Variants in HFM1 observed in about 807,000 individuals in gnomAD.
HFM1 encodes probable ATP-dependent DNA helicase HFM1.
In HFM1, 169 loss-of-function variants were observed where a neutral mutation model predicts 192.1. That is an observed-to-expected ratio of 0.88 (90% CI 0.78 to 1.00). HFM1 has a LOEUF of 1.00. Ranked by LOEUF, HFM1 falls within the 50% of genes least tolerant of loss-of-function variation. The probability of loss-of-function intolerance (pLI) is 0.00; values close to 1 mark genes in which losing one functional copy is unlikely to be tolerated. For missense variants in HFM1, 1,661 were observed against 1,668.0 expected (o/e 1.00, Z 0.07); for synonymous variants, 525 against 537.8 (o/e 0.98, Z 0.33).
At chr1:91,285,003 T>C (rs921098397) in intron 30 of HFM1, among the ~76,000 whole-genome samples, 1 of 152,164 alleles carries the variant, frequency 6.6e-6, no homozygotes, top group Non-Finnish European at 1.5e-5. Flanking sequence ...CATACTGTTC[T>C]TGTGGTAGTG....
intron 30 of HFM1, among the ~76,000 whole-genome samples, chr1:91,285,685 C>T (rs896773450): frequency 3.1e-4 from 47 of 152,026 alleles, no homozygotes; most frequent in African/African-American, 1.1e-3. Flanking sequence ...ATACAGTAGC[C>T]CCCTTCATCC....
chr1:91,384,616 T>C (rs1295807282), intron 6 of HFM1, among the ~76,000 whole-genome samples: 1 of 152,172 alleles, frequency 6.6e-6, no homozygotes, highest in Non-Finnish European at 1.5e-5. Flanking sequence ...TGTAAGTAAA[T>C]ATGCTCAGAG....
intron 13 of HFM1, among the ~76,000 whole-genome samples, chr1:91,366,319 T>C (rs899070331): frequency 6.6e-6 from 1 of 152,178 alleles, no homozygotes; most frequent in Non-Finnish European, 1.5e-5. Flanking sequence ...CATGCTGCCA[T>C]TGCACAAAGA....
chr1:91,352,204 C>T (rs1169135868), intron 16 of HFM1, among the ~76,000 whole-genome samples: 1 of 149,828 alleles, frequency 6.7e-6, no homozygotes, highest in Non-Finnish European at 1.5e-5. Flanking sequence ...ATCCAAAATG[C>T]TAAGAGTACC....
chr1:91,286,101 A>C (rs1667944936), intron 30 of HFM1, among the ~76,000 whole-genome samples: 1 of 152,216 alleles, frequency 6.6e-6, no homozygotes, highest in Admixed American at 6.5e-5. Context: ...TTAATAAGGA[A>C]ATTATATATA....
chr1:91,277,915 C>T (rs370438248), intron 30 of HFM1, among the ~76,000 whole-genome samples: 1 of 32,288 alleles, frequency 3.1e-5, no homozygotes, highest in Non-Finnish European at 6.3e-5. Flanking sequence ...ATAATATATA[C>T]ACTAATATAT....
intron 33 of HFM1, among the ~76,000 whole-genome samples, chr1:91,274,141 A>C (rs1293846838): frequency 6.6e-6 from 1 of 152,002 alleles, no homozygotes; most frequent in African/African-American, 2.4e-5. Flanking sequence ...TCTAGCAGGG[A>C]AATTACATAT....
chr1:91,300,566 C>T (rs951936368), intron 30 of HFM1, among the ~76,000 whole-genome samples: 1 of 152,188 alleles, frequency 6.6e-6, no homozygotes, highest in African/African-American at 2.4e-5. Context: ...TCTAGCAGCA[C>T]ATCAAAAAGC....
chr1:91,284,606 T>C (rs1667769957), intron 30 of HFM1, among the ~76,000 whole-genome samples: 1 of 152,192 alleles, frequency 6.6e-6, no homozygotes, highest in Non-Finnish European at 1.5e-5. Flanking sequence ...TGTATTAATG[T>C]CAAATAGATT....
At chr1:91,321,736 C>T (rs1181856298) in intron 23 of HFM1, among the ~76,000 whole-genome samples, 4 of 152,022 alleles carry the variant, frequency 2.6e-5, no homozygotes, top group Admixed American at 6.6e-5. Context: ...TAATGGGAAT[C>T]TAAATTATGA....
chr1:91,370,506 T>A (rs1390686865), intron 13 of HFM1, among the ~76,000 whole-genome samples: 1 of 152,150 alleles, frequency 6.6e-6, no homozygotes, highest in Non-Finnish European at 1.5e-5. Context: ...ATTATCTCAA[T>A]AGATGCAGAA....
At chr1:91,365,484 A>T (rs568902585) in intron 13 of HFM1, among the ~76,000 whole-genome samples, 1 of 152,282 alleles carries the variant, frequency 6.6e-6, no homozygotes, top group South Asian at 2.1e-4. Context: ...ATGCCATATA[A>T]AATTTATTTT....
rs1373015015 is a variant in HFM1 at position 91,360,265 on chromosome 1, G to C, written c.1686-6966C>G. ...GGCACAGAATGGCAAGCTGGATAAA[G>C]AGCCAAGACCCACTGGTATGCAGTC... On this transcript the variant is annotated intron_variant, in intron 13 of 38. Transcript: ENST00000370425. 2.0e-5 allele frequency among the ~76,000 whole-genome samples: 3 copies of C among 152,308 alleles called. No individual in the cohort carries two copies. The East Asian group carries it at 5.8e-4, about 29-fold the overall frequency.
intron 20 of HFM1, chr1:91,338,903 T>C (rs1226558769): frequency 2.2e-6 from 1 of 455,594 alleles, no homozygotes; most frequent in Non-Finnish European, 4.4e-6. Context: ...TTAAGTGTGA[T>C]TGCCAGTGAA....
intron 20 of HFM1, among the ~76,000 whole-genome samples, chr1:91,336,794 C>A (rs952264342): frequency 6.6e-6 from 1 of 152,168 alleles, no homozygotes. Flanking sequence ...ATGTTCACTG[C>A]AGCACTATTC....
At chr1:91,359,000 C>A (rs922141458) in intron 13 of HFM1, among the ~76,000 whole-genome samples, 6 of 152,122 alleles carry the variant, frequency 3.9e-5, no homozygotes, top group African/African-American at 1.4e-4. Flanking sequence ...GAGCAGATCC[C>A]CAGCAAACTG....
At chr1:91,391,237 A>C (rs569299689) in intron 4 of HFM1, among the ~76,000 whole-genome samples, 1 of 152,232 alleles carries the variant, frequency 6.6e-6, no homozygotes, top group Non-Finnish European at 1.5e-5. Context: ...TCTTCACAGA[A>C]TTGGAAAAAA....
At position 91,379,069 on chromosome 1, in the gene HFM1, T is replaced by G; in HGVS notation, c.1152A>C (p.Thr384=). 6.4e-7 allele frequency: 1 copy of G among 1,555,054 alleles called. No homozygotes were observed. The highest frequency in any genetic ancestry group is 1.2e-5 in the South Asian group (1 of 82,266). ...AAGTATAAATAATACCTACTGGAGT[T>G]GTCATAATAATATGGGCATGCTGAA... is the stretch of plus-strand genomic sequence containing the variant. ...FEIQHAHIIM[T]TPEKWDSMTR... The change falls in exon 9 of 39, where the codon ACA becomes ACC. Residue 384 remains threonine, a synonymous_variant. Transcript: ENST00000370425.
intron 20 of HFM1, among the ~76,000 whole-genome samples, chr1:91,339,951 G>C (rs1168162521): frequency 6.6e-6 from 1 of 152,160 alleles, no homozygotes; most frequent in East Asian, 1.9e-4. Flanking sequence ...GCTAACAGCA[G>C]ATCTTTCAGC....
Sources: gnomAD v4.1 joint callset for allele counts (sites outside exome capture counted in the v4.1 genomes callset) on GRCh38, gnomAD v4.1.1 for gene constraint, MANE v1.5 for transcripts, NCBI Gene and HGNC (gene_info 2026-07-23, HGNC 2026-07-21) for gene names.